The following UBQLN1 variants were observed in gnomAD, a reference collection of about 807,000 sequenced individuals.
UBQLN1 encodes the protein ubiquilin 1.
Under a neutral mutation model 65.4 loss-of-function variants are expected in UBQLN1, and 13 were observed. That is an observed-to-expected ratio of 0.20 (90% CI 0.13 to 0.32). The LOEUF (loss-of-function observed/expected upper bound fraction) is 0.32. Ranked by LOEUF, UBQLN1 falls within the 10% of genes least tolerant of loss-of-function variation. UBQLN1 has a pLI of 1.00. For missense variants in UBQLN1, 561 were observed against 724.0 expected, an observed-to-expected ratio of 0.77 and a Z score of 2.58; for synonymous variants, 267 against 247.8, an observed-to-expected ratio of 1.08 and a Z score of -0.73.
intron 1 of UBQLN1, among the ~76,000 whole-genome samples, chr9:83,704,723 A>G (rs1832368700): frequency 6.7e-6 from 1 of 149,988 alleles, no homozygotes; most frequent in South Asian, 2.1e-4. Flanking sequence ...GCTACTAGGG[A>G]AGCTGGGGTG....
chr9:83,669,108 T>A, intron 7 of UBQLN1, 77 bp downstream of exon 7: 1 of 1,520,678 alleles, frequency 6.6e-7, no homozygotes, highest in Non-Finnish European at 8.8e-7. Context: ...AACACAAATG[T>A]GCCAAAATCA....
intron 6 of UBQLN1, among the ~76,000 whole-genome samples, chr9:83,674,453 C>T (rs1036005640): frequency 6.6e-6 from 1 of 152,094 alleles, no homozygotes; most frequent in African/African-American, 2.4e-5. Context: ...CTCATCATAG[C>T]CACTTTTTCA....
chr9:83,705,961 T>G (rs1339678955), intron 1 of UBQLN1, among the ~76,000 whole-genome samples: 1 of 150,816 alleles, frequency 6.6e-6, no homozygotes, highest in Non-Finnish European at 1.5e-5. Context: ...GGGTGGTTGA[T>G]GGAAAGGCCA....
Position 83,661,572 on chromosome 9 carries a change from T to C in UBQLN1, c.*215A>G, listed in dbSNP as rs1170028505. 1.4e-5 allele frequency: 6 copies of C among 428,434 alleles called. No homozygotes were observed. Among genetic ancestry groups the C allele is most frequent in the African/African-American group, 1.2e-4 (6 of 49,418 alleles). The allele number at this position is 428,434 out of a possible 1,614,324, so 26.5% of individuals were successfully genotyped here. ...TAAAAAATTACAATAAATGCAGAAG[T>C]GATGCATGCAGTAGCCTTAATTCCC... is the stretch of plus-strand genomic sequence containing the variant. On this transcript the variant is annotated 3_prime_UTR_variant, in exon 11 of 11. Coordinates refer to ENST00000376395, the MANE Select transcript of UBQLN1 (RefSeq NM_013438.5).
chr9:83,680,313 C>A (rs2131161609), intron 3 of UBQLN1, among the ~76,000 whole-genome samples: 1 of 151,894 alleles, frequency 6.6e-6, no homozygotes, highest in Non-Finnish European at 1.5e-5. Context: ...TCTCCTTGAT[C>A]CTGAGTTACT....
intron 9 of UBQLN1, 57 bp from the exon 10 acceptor site, chr9:83,664,100 C>A (rs2781003): frequency 6.5e-7 from 1 of 1,549,658 alleles, no homozygotes; most frequent in Non-Finnish European, 8.7e-7. Flanking sequence ...GAAGCCAGTC[C>A]GTAAATCAGT....
In UBQLN1 at chr9:83,667,853, T is replaced by C. The variant is rs183723891; in HGVS notation, c.1248+1332A>G. ...TTTTAATCTGCAGATAACAAGAACATTGTAAAAGTTTCTAAATTATCTGTA... is the reference window on the plus strand; with the variant it reads ...TTTTAATCTGCAGATAACAAGAACACTGTAAAAGTTTCTAAATTATCTGTA... On this transcript the variant is annotated intron_variant, in intron 7 of 10. Coordinates refer to ENST00000376395, the MANE Select transcript of UBQLN1 (RefSeq NM_013438.5). 3.1e-3 allele frequency: 2,973 copies of C among 972,016 alleles called. 7 individuals carry two copies. Among genetic ancestry groups the C allele is most frequent in the Non-Finnish European group, 3.5e-3 (2,840 of 817,982 alleles). 60.2% of individuals were successfully genotyped at this position (972,016 alleles called of 1,614,324 possible).
intron 3 of UBQLN1, among the ~76,000 whole-genome samples, chr9:83,681,100 A>G (rs564316654): frequency 2.6e-5 from 4 of 152,186 alleles, no homozygotes; most frequent in Non-Finnish European, 4.4e-5. Context: ...TATTAACAGG[A>G]AGCAGAATTC....
chr9:83,703,329 C>G (rs905311552), intron 1 of UBQLN1, among the ~76,000 whole-genome samples: 5 of 151,894 alleles, frequency 3.3e-5, no homozygotes, highest in African/African-American at 1.2e-4. Flanking sequence ...TGGAAAAATC[C>G]CATATGTAAC....
intron 1 of UBQLN1, among the ~76,000 whole-genome samples, chr9:83,699,166 G>A (rs937530953): frequency 2.5e-4 from 38 of 152,270 alleles, no homozygotes; most frequent in African/African-American, 7.9e-4. Context: ...TTCTGGAAAC[G>A]GATGGTGGTA....
chr9:83,675,740 T>G (rs1396146516), intron 6 of UBQLN1, among the ~76,000 whole-genome samples: 1 of 152,186 alleles, frequency 6.6e-6, no homozygotes, highest in African/African-American at 2.4e-5. Flanking sequence ...TAAAATCAAA[T>G]GCTTTTGGAA....
At chr9:83,673,243 C>T (rs1490355213) in intron 6 of UBQLN1, among the ~76,000 whole-genome samples, 1 of 149,184 alleles carries the variant, frequency 6.7e-6, no homozygotes, top group Non-Finnish European at 1.5e-5. Flanking sequence ...AACCAAAAAA[C>T]CAAAACAATT....
rs1483488010 is a variant in UBQLN1, at chr9:83,660,113, T to C, written c.*1674A>G. ...ATAAAGCAGAAAGAGCAAAGACACATGAATACCCTTCTTAACAATCTCTTC... is the reference window on the plus strand; with the variant it reads ...ATAAAGCAGAAAGAGCAAAGACACACGAATACCCTTCTTAACAATCTCTTC... On this transcript the variant is annotated 3_prime_UTR_variant, in exon 11 of 11. Coordinates refer to ENST00000376395, the MANE Select transcript of UBQLN1 (RefSeq NM_013438.5). 1.3e-5 allele frequency: 2 copies of C among 152,166 alleles called. No individual in the cohort carries two copies. The highest frequency in any genetic ancestry group is 2.4e-5 in the African/African-American group (1 of 41,456). The allele number at this position is 152,166 out of a possible 1,614,324, so 9.4% of individuals were successfully genotyped here.
intron 10 of UBQLN1, among the ~76,000 whole-genome samples, chr9:83,663,611 A>T (rs1347658810): frequency 6.6e-6 from 1 of 152,204 alleles, no homozygotes; most frequent in Non-Finnish European, 1.5e-5. Flanking sequence ...GCATTTTTAA[A>T]GGCAATTTCT....
Position 83,677,828 on chromosome 9 carries a change from G to A in UBQLN1, c.1004C>T (p.Ser335Phe). 6.2e-7 allele frequency: 1 copy of A among 1,614,094 alleles called. No homozygotes were observed. Among genetic ancestry groups the A allele is most frequent in the Non-Finnish European group, 8.5e-7 (1 of 1,180,026 alleles). ...APQTSQSSSA[S>F]SGTASTVGGT... Reference sequence around the variant, plus strand: ...ACCCACAGTGCTGGCAGTGCCGCTGGAAGCTGATGAACTCTGGGAAGTCTG... The same window carrying A: ...ACCCACAGTGCTGGCAGTGCCGCTGAAAGCTGATGAACTCTGGGAAGTCTG... Residue 335 changes from serine (S) to phenylalanine (F), a missense_variant, in exon 6 of 11, where the codon TCC becomes TTC. By Grantham distance (155) the Ser-to-Phe change is radical (BLOSUM62 -2). Around this residue, in one of 8 missense-constraint regions of UBQLN1, gnomAD observed 89 missense variants for 77.8 expected, o/e 1.14. Transcript: ENST00000376395.
intron 1 of UBQLN1, among the ~76,000 whole-genome samples, chr9:83,692,291 CTTCTA>C (rs1832141111): frequency 6.6e-6 from 1 of 152,186 alleles, no homozygotes; most frequent in African/African-American, 2.4e-5. Flanking sequence ...ATATCTTTTA[CTTCTA>C]TTCTGCTTCC....
At chr9:83,695,576 A>G (rs1336946138) in intron 1 of UBQLN1, among the ~76,000 whole-genome samples, 1 of 151,992 alleles carries the variant, frequency 6.6e-6, no homozygotes, top group African/African-American at 2.4e-5. Context: ...TTTTAAATGT[A>G]AAAGTTATAT....
intron 9 of UBQLN1, among the ~76,000 whole-genome samples, chr9:83,664,624 G>T (rs1213935854): frequency 6.6e-6 from 1 of 151,830 alleles, no homozygotes; most frequent in Non-Finnish European, 1.5e-5. Context: ...TAAAAACGGT[G>T]GGGGAGAACC....
intron 6 of UBQLN1, among the ~76,000 whole-genome samples, chr9:83,669,897 T>C (rs1722452684): frequency 6.6e-6 from 1 of 152,198 alleles, no homozygotes; most frequent in Admixed American, 6.5e-5. Flanking sequence ...TTACGTGGGT[T>C]CAAATCTAAT....
Sources: allele counts gnomAD v4.1 joint callset (sites outside exome capture counted in the v4.1 genomes callset), GRCh38; gene constraint gnomAD v4.1.1; regional missense constraint gnomAD v4.1.1; transcripts MANE v1.5; gene names NCBI Gene and HGNC (gene_info 2026-07-23, HGNC 2026-07-21).